RAP1GDS1: variants seen among roughly 807,000 people sequenced by gnomAD.
The protein encoded by RAP1GDS1 is Rap1 GTPase-GDP dissociation stimulator 1.
RAP1GDS1 carries 35 observed loss-of-function variants against 71.1 expected under a neutral mutation model. That is an observed-to-expected ratio of 0.49 (90% CI 0.38 to 0.65). The LOEUF (loss-of-function observed/expected upper bound fraction) is 0.65, where lower values mean the gene tolerates loss of function less well. RAP1GDS1 is among the 30% of genes least tolerant of loss of function. The pLI, the probability that RAP1GDS1 is intolerant of heterozygous loss-of-function variation, is 0.00. For synonymous variants in RAP1GDS1, 229 were observed against 243.1 expected, an observed-to-expected ratio of 0.94 and a Z score of 0.54; for missense variants, 663 against 706.1, an observed-to-expected ratio of 0.94 and a Z score of 0.69.
At chr4:98,292,164 C>T (rs1487207992) in intron 1 of RAP1GDS1, among the ~76,000 whole-genome samples, 1 of 150,744 alleles carries the variant, frequency 6.6e-6, no homozygotes, top group Non-Finnish European at 1.5e-5. Flanking sequence ...TCTTGCTCTG[C>T]CACCCAGGTT....
chr4:98,391,917 T>C, intron 5 of RAP1GDS1, 35 bp from the exon 6 acceptor site: 1 of 1,545,766 alleles, frequency 6.5e-7, no homozygotes, highest in Non-Finnish European at 8.7e-7. Context: ...GTCAACACTT[T>C]CTTTTCTGTT....
At chr4:98,334,009 T>C (rs960095821) in intron 2 of RAP1GDS1, among the ~76,000 whole-genome samples, 7 of 152,184 alleles carry the variant, frequency 4.6e-5, no homozygotes, top group Non-Finnish European at 1.5e-5. Context: ...AAATGTATGC[T>C]GATAATTTTG....
At chr4:98,349,847 T>A (rs1019472462) in intron 3 of RAP1GDS1, among the ~76,000 whole-genome samples, 2 of 152,042 alleles carry the variant, frequency 1.3e-5, no homozygotes, top group Non-Finnish European at 2.9e-5. Flanking sequence ...TTTTTTTTTT[T>A]AATATATCTG....
chr4:98,378,704 A>G (rs1171425563), intron 4 of RAP1GDS1, among the ~76,000 whole-genome samples: 1 of 151,912 alleles, frequency 6.6e-6, no homozygotes, highest in Non-Finnish European at 1.5e-5. Flanking sequence ...CAGCATTGTC[A>G]TTTGTGAAAG....
At chr4:98,305,937 G>A (rs1418554228) in intron 2 of RAP1GDS1, among the ~76,000 whole-genome samples, 3 of 152,194 alleles carry the variant, frequency 2.0e-5, no homozygotes, top group Non-Finnish European at 4.4e-5. Context: ...AATACATACT[G>A]AAGAAGATTT....
chr4:98,421,176 A>C (rs763377582), intron 11 of RAP1GDS1, 79 bp from the exon 12 acceptor site: 2 of 1,367,570 alleles, frequency 1.5e-6, no homozygotes, highest in Non-Finnish European at 2.0e-6. Flanking sequence ...GACGTCCTTC[A>C]CACTCTCAAA....
In RAP1GDS1 at chr4:98,291,756, G is replaced by A. The variant is rs537983861; in HGVS notation, c.5-1652G>A. On this transcript the variant is annotated intron_variant, in intron 1 of 14. Transcript: ENST00000408927. ...CACAGGTGTAGAACAGAAAATTCTT[G>A]TTGTTTCTAAAATAACAGGAATGCA... Among the ~76,000 whole-genome samples the A allele has an allele frequency of 2.2e-4, 33 of 152,200 alleles. 1 individual carries two copies. Among genetic ancestry groups the A allele is most frequent in the Middle Eastern group, 3.4e-3 (1 of 294 alleles).
At chr4:98,294,921 A>G (rs971134292) in intron 2 of RAP1GDS1, among the ~76,000 whole-genome samples, 1 of 152,066 alleles carries the variant, frequency 6.6e-6, no homozygotes, top group African/African-American at 2.4e-5. Flanking sequence ...TTGTTTTATT[A>G]TAACCTTCGT....
At chr4:98,391,518 A>AT (rs986286175) in intron 5 of RAP1GDS1, among the ~76,000 whole-genome samples, 12 of 151,956 alleles carry the variant, frequency 7.9e-5, no homozygotes, top group African/African-American at 2.2e-4. Context: ...GGATTCTAAG[A>AT]TTTTTTTCTT....
intron 12 of RAP1GDS1, among the ~76,000 whole-genome samples, chr4:98,431,023 C>T (rs991024696): frequency 6.6e-6 from 1 of 152,066 alleles, no homozygotes; most frequent in African/African-American, 2.4e-5. Flanking sequence ...CTGAATCTTC[C>T]AATTATAGAC....
chr4:98,387,093 C>A (rs1198643430), intron 5 of RAP1GDS1, among the ~76,000 whole-genome samples: 1 of 152,102 alleles, frequency 6.6e-6, no homozygotes, highest in African/African-American at 2.4e-5. Context: ...ATTTTTAATG[C>A]AAGCCTGTAA....
At chr4:98,420,288 C>T (rs1411061160) in intron 11 of RAP1GDS1, 144 bp downstream of exon 11, 4 of 582,880 alleles carry the variant, frequency 6.9e-6, no homozygotes, top group Non-Finnish European at 9.9e-6. Flanking sequence ...GGTTTTGGAA[C>T]TCCATTTGTT....
chr4:98,329,788 C>CAA (rs34140500), intron 2 of RAP1GDS1, among the ~76,000 whole-genome samples: 113 of 42,540 alleles, frequency 2.7e-3, no homozygotes, highest in African/African-American at 4.0e-3. Context: ...GACTCCATCT[C>CAA]AAAAAAAAAA....
chr4:98,370,282 T>C (rs1740176113), intron 4 of RAP1GDS1, among the ~76,000 whole-genome samples: 1 of 152,174 alleles, frequency 6.6e-6, no homozygotes, highest in South Asian at 2.1e-4. Context: ...TTAATCAGTA[T>C]TTAAAATAAG....
intron 2 of RAP1GDS1, among the ~76,000 whole-genome samples, chr4:98,329,050 C>T (rs1733556521): frequency 6.6e-6 from 1 of 152,208 alleles, no homozygotes; most frequent in Non-Finnish European, 1.5e-5. Flanking sequence ...GCATCGTATG[C>T]ACATTCTCAA....
intron 7 of RAP1GDS1, among the ~76,000 whole-genome samples, chr4:98,411,132 A>G (rs1247208342): frequency 6.6e-6 from 1 of 152,250 alleles, no homozygotes; most frequent in East Asian, 1.9e-4. Flanking sequence ...ATTCATACAT[A>G]TGTGTGTAAA....
rs374804464 is a variant in RAP1GDS1 at position 98,268,946 on chromosome 4, G to A, written c.4+7377G>A. On this transcript the variant is annotated intron_variant, in intron 1 of 14. Transcript: ENST00000408927. Reference sequence around the variant, plus strand: ...TCCAGTGAAACTTTTCACAGAAATAGCAAAACAATTCTAAAATTTGTATGG... The same window carrying A: ...TCCAGTGAAACTTTTCACAGAAATAACAAAACAATTCTAAAATTTGTATGG... 4.6e-5 allele frequency among the ~76,000 whole-genome samples: 7 copies of A among 151,922 alleles called. No homozygotes were observed. The East Asian group carries it at 1.2e-3, about 25-fold the overall frequency.
At chr4:98,328,348 A>T (rs1429572249) in intron 2 of RAP1GDS1, among the ~76,000 whole-genome samples, 2 of 152,236 alleles carry the variant, frequency 1.3e-5, no homozygotes, top group South Asian at 4.1e-4. Context: ...TAAGAGTCTT[A>T]CTATTATATA....
intron 8 of RAP1GDS1, among the ~76,000 whole-genome samples, chr4:98,417,116 A>G (rs1038717694): frequency 6.6e-6 from 1 of 152,206 alleles, no homozygotes; most frequent in East Asian, 1.9e-4. Flanking sequence ...GTCACATAGA[A>G]GAGATAGCTT....
Sources: allele counts gnomAD v4.1 joint callset (sites outside exome capture counted in the v4.1 genomes callset), GRCh38; gene constraint gnomAD v4.1.1; transcripts MANE v1.5; gene names NCBI Gene and HGNC (gene_info 2026-07-23, HGNC 2026-07-21).